PCSK6: variants seen among roughly 807,000 people sequenced by gnomAD.
The protein encoded by PCSK6 is proprotein convertase subtilisin/kexin type 6.
PCSK6 carries 85 observed loss-of-function variants against 123.3 expected under a neutral mutation model. That is an observed-to-expected ratio of 0.69 (90% CI 0.58 to 0.83). PCSK6 has a LOEUF of 0.83. Ranked by LOEUF, PCSK6 falls within the 40% of genes least tolerant of loss-of-function variation. PCSK6 has a pLI of 0.00. For missense variants in PCSK6, 1,191 were observed against 1,282.3 expected, an observed-to-expected ratio of 0.93 and a Z score of 1.09; for synonymous variants, 508 against 516.0, an observed-to-expected ratio of 0.98 and a Z score of 0.21.
At chr15:101,368,096 G>A (rs2041455480) in intron 12 of PCSK6, among the ~76,000 whole-genome samples, 2 of 152,230 alleles carry the variant, frequency 1.3e-5, no homozygotes, top group Admixed American at 1.3e-4. Context: ...GACTACAGGT[G>A]TGAGCCACCC....
At chr15:101,326,587 G>T in intron 15 of PCSK6, 108 bp from the exon 16 acceptor site, 2 of 1,084,624 alleles carry the variant, frequency 1.8e-6, no homozygotes, top group Non-Finnish European at 1.3e-6. Flanking sequence ...GTTGGGAGAC[G>T]CTCCCAGGCC....
At position 101,392,593 on chromosome 15, in the gene PCSK6, C is replaced by CTTTTTTTTTTTTTTT. The variant is rs10525638; in HGVS notation, c.1209+604_1209+618dup. On this transcript the variant is annotated intron_variant, in intron 8 of 21. Coordinates refer to ENST00000611716, the MANE Select transcript of PCSK6 (RefSeq NM_002570.5). ...TTTGAACTGGAAACCCTCCCTTCCT[C>CTTTTTTTTTTTTTTT]TTTTTTTTTTTTTTTTTAAGTAGGA... Among the ~76,000 whole-genome samples, 51 of 122,332 alleles carry CTTTTTTTTTTTTTTT rather than the reference C, an allele frequency of 4.2e-4. 2 individuals are homozygous for CTTTTTTTTTTTTTTT. The highest frequency in any genetic ancestry group is 1.5e-3 in the African/African-American group (46 of 30,422). The allele number at this position is 122,332 out of a possible 152,430, so 80.3% of individuals were successfully genotyped here. A position where few individuals can be genotyped will look rare whatever the true frequency, so the allele number is the denominator to read the frequency against.
At chr15:101,441,159 T>C (rs1179164422) in intron 2 of PCSK6, among the ~76,000 whole-genome samples, 3 of 152,100 alleles carry the variant, frequency 2.0e-5, no homozygotes, top group Admixed American at 6.5e-5. Context: ...TTTGAAAAAA[T>C]TTAACTGCTA....
chr15:101,328,242 T>C (rs1168173559), intron 15 of PCSK6, among the ~76,000 whole-genome samples: 1 of 152,214 alleles, frequency 6.6e-6, no homozygotes, highest in East Asian at 1.9e-4. Flanking sequence ...GTCTTCTCCC[T>C]GAGGAGGCAG....
intron 11 of PCSK6, among the ~76,000 whole-genome samples, chr15:101,377,355 C>G (rs908536573): frequency 1.3e-5 from 2 of 152,206 alleles, no homozygotes; most frequent in Non-Finnish European, 2.9e-5. Context: ...CTCTCATTGG[C>G]TCAGTACCGC....
At chr15:101,388,667 T>G (rs2042139961) in intron 9 of PCSK6, among the ~76,000 whole-genome samples, 1 of 151,876 alleles carries the variant, frequency 6.6e-6, no homozygotes, top group Non-Finnish European at 1.5e-5. Context: ...GGCAGGAGAC[T>G]TGGGCTTTAA....
At position 101,489,620 on chromosome 15, in the gene PCSK6, G is replaced by C. The variant is rs2058126620; in HGVS notation, c.51C>G (p.Ala17=). The part of the protein sequence containing the change: ...PAPGPRPPPR[A]AAATDTAAGA... ...CCGCGGCGGTGTCGGTGGCGGCGGC[G>C]GCCCGGGGCGGCGGCCGGGGCCCGG... is the stretch of plus-strand genomic sequence containing the variant. Residue 17 remains alanine, a synonymous_variant, in exon 1 of 22, where the codon GCC becomes GCG. Transcript: ENST00000611716. 1 of 976,012 alleles carries C rather than the reference G, an allele frequency of 1.0e-6. No individual in the cohort carries two copies. Among genetic ancestry groups the C allele is most frequent in the African/African-American group, 1.8e-5 (1 of 56,096 alleles). The allele number at this position is 976,012 out of a possible 1,614,324, so 60.5% of individuals were successfully genotyped here. A position where few individuals can be genotyped will look rare whatever the true frequency, so the allele number is the denominator to read the frequency against.
intron 13 of PCSK6, among the ~76,000 whole-genome samples, chr15:101,357,701 G>A (rs900783105): frequency 6.6e-6 from 1 of 152,240 alleles, no homozygotes; most frequent in African/African-American, 2.4e-5. Flanking sequence ...GTCTTATTGC[G>A]AACAATGCCT....
chr15:101,374,353 A>G (rs979976544), intron 11 of PCSK6, among the ~76,000 whole-genome samples: 26 of 152,148 alleles, frequency 1.7e-4, no homozygotes, highest in African/African-American at 6.3e-4. Context: ...ACCGAGTGCC[A>G]GGGGAAGCAG....
At chr15:101,320,283 G>A (rs1036645120) in intron 18 of PCSK6, among the ~76,000 whole-genome samples, 10 of 151,944 alleles carry the variant, frequency 6.6e-5, no homozygotes, top group African/African-American at 2.2e-4. Flanking sequence ...ACAGGGTTTC[G>A]CCATGTTGGC....
chr15:101,375,819 G>C (rs1445506852), intron 11 of PCSK6, among the ~76,000 whole-genome samples: 2 of 152,174 alleles, frequency 1.3e-5, no homozygotes, highest in African/African-American at 2.4e-5. Flanking sequence ...TGAATCACTT[G>C]AGGTCAGGAG....
At chr15:101,441,939 G>C (rs148784152) in intron 2 of PCSK6, among the ~76,000 whole-genome samples, 2 of 152,110 alleles carry the variant, frequency 1.3e-5, no homozygotes, top group Non-Finnish European at 2.9e-5. Flanking sequence ...GACAGATGAC[G>C]GTCTCTCAAC....
chr15:101,458,820 G>A (rs1045649469), intron 1 of PCSK6, among the ~76,000 whole-genome samples: 9 of 152,080 alleles, frequency 5.9e-5, no homozygotes, highest in Non-Finnish European at 1.3e-4. Flanking sequence ...TTGAATCCAG[G>A]CTAAATTTAG....
chr15:101,335,050 C>T (rs1285198614), intron 13 of PCSK6, among the ~76,000 whole-genome samples: 2 of 152,186 alleles, frequency 1.3e-5, no homozygotes, highest in African/African-American at 4.8e-5. Flanking sequence ...GCCCCAACTT[C>T]CCAGGCTCAA....
intron 1 of PCSK6, among the ~76,000 whole-genome samples, chr15:101,484,689 C>G (rs1316707671): frequency 2.0e-5 from 3 of 152,226 alleles, no homozygotes; most frequent in South Asian, 4.1e-4. Context: ...CCACGCCCGG[C>G]CTGCTTTGTG....
chr15:101,468,285 CCATCAT>C (rs946724864), intron 1 of PCSK6, among the ~76,000 whole-genome samples: 1 of 152,104 alleles, frequency 6.6e-6, no homozygotes, highest in Non-Finnish European at 1.5e-5. Context: ...GTCATTGTCA[CCATCAT>C]CATCATCGTC....
chr15:101,309,571 T>C (rs1462045411), intron 20 of PCSK6, among the ~76,000 whole-genome samples: 1 of 152,264 alleles, frequency 6.6e-6, no homozygotes, highest in Admixed American at 6.5e-5. Context: ...ATCAGCCTCC[T>C]GCCTGTTCAG....
intron 15 of PCSK6, among the ~76,000 whole-genome samples, chr15:101,329,314 T>C (rs62021260): frequency 0.047 from 7,122 of 152,320 alleles, 328 homozygotes; most frequent in East Asian, 0.25. Context: ...CAACTGCCGA[T>C]GGACAGGAGA....
At chr15:101,394,403 C>T (rs1451360159) in intron 7 of PCSK6, among the ~76,000 whole-genome samples, 1 of 152,168 alleles carries the variant, frequency 6.6e-6, no homozygotes, top group African/African-American at 2.4e-5. Flanking sequence ...TCTGACCACA[C>T]TGAGAATCAT....
Sources: allele counts gnomAD v4.1 joint callset (sites outside exome capture counted in the v4.1 genomes callset), GRCh38; gene constraint gnomAD v4.1.1; transcripts MANE v1.5; gene names NCBI Gene and HGNC (gene_info 2026-07-23, HGNC 2026-07-21).